The following SV2C variants were observed in gnomAD, a reference collection of about 807,000 sequenced individuals.
SV2C encodes the protein solute carrier family 22 member B3.
Under a neutral mutation model 79.7 loss-of-function variants are expected in SV2C, and 49 were observed. The ratio of observed to expected loss-of-function variants is 0.61; its 90% CI spans 0.49 to 0.78. The LOEUF is 0.78. SV2C is among the 30% of genes least tolerant of loss of function. SV2C has a pLI of 0.00. For synonymous variants in SV2C, 334 were observed against 333.2 expected, an observed-to-expected ratio of 1.00 and a Z score of -0.03; for missense variants, 833 against 912.9, an observed-to-expected ratio of 0.91 and a Z score of 1.13.
chr5:75,915,800 T>G, the SV2C span, among the ~76,000 whole-genome samples: 1 of 152,164 alleles, frequency 6.6e-6, no homozygotes, highest in African/African-American at 2.4e-5. Context: ...GCCAGGAATG[T>G]GGTCAAGATG....
chr5:76,278,170 T>C (rs1267065305), intron 4 of SV2C, among the ~76,000 whole-genome samples: 2 of 150,654 alleles, frequency 1.3e-5, no homozygotes, highest in African/African-American at 4.9e-5. Context: ...CATGTACACA[T>C]TGTGTGTGTG....
the SV2C span, among the ~76,000 whole-genome samples, chr5:75,899,696 A>C: frequency 3.3e-5 from 5 of 152,150 alleles, no homozygotes; most frequent in East Asian, 3.9e-4. Flanking sequence ...ATTGAATGGG[A>C]GTCTAAGTCT....
At chr5:75,897,382 A>G in the SV2C span, among the ~76,000 whole-genome samples, 1 of 151,578 alleles carries the variant, frequency 6.6e-6, no homozygotes, top group Non-Finnish European at 1.5e-5. Context: ...AGTTGTAGAT[A>G]TGCGGCGTTA....
the SV2C span, among the ~76,000 whole-genome samples, chr5:75,895,939 A>G: frequency 3.9e-5 from 6 of 152,168 alleles, no homozygotes; most frequent in East Asian, 9.6e-4. Flanking sequence ...TCTTATAAAG[A>G]TAGAACTGTT....
chr5:76,082,596 TTCC>T (rs769060722), upstream of SV2C, among the ~76,000 whole-genome samples: 5 of 149,722 alleles, frequency 3.3e-5, no homozygotes, highest in South Asian at 8.7e-4. Flanking sequence ...TCTTTCTTTC[TTCC>T]TCCTCCTCCT....
intron 4 of SV2C, among the ~76,000 whole-genome samples, chr5:76,280,235 G>A (rs2112487583): frequency 6.6e-6 from 1 of 151,918 alleles, no homozygotes; most frequent in African/African-American, 2.4e-5. Flanking sequence ...GAGAGAGAGA[G>A]ACACCACCAG....
intron 8 of SV2C, 93 bp from the exon 9 acceptor site, chr5:76,295,685 G>A (rs1022532378): frequency 2.0e-5 from 25 of 1,262,608 alleles, no homozygotes; most frequent in African/African-American, 4.6e-5. Flanking sequence ...GCCATTCTCC[G>A]GGAACTATTA....
intron 3 of SV2C, among the ~76,000 whole-genome samples, chr5:76,199,611 T>C (rs1744374573): frequency 6.6e-6 from 1 of 152,246 alleles, no homozygotes; most frequent in Admixed American, 6.5e-5. Flanking sequence ...TGTCGTCTTG[T>C]TCAACATTGC....
chr5:76,096,571 T>G (rs889326745), intron 1 of SV2C, among the ~76,000 whole-genome samples: 3 of 152,302 alleles, frequency 2.0e-5, no homozygotes, highest in Middle Eastern at 6.8e-3. Context: ...AGTTCATGTT[T>G]TCTGCGTGGA....
chr5:76,297,482 C>G (rs1747815482), intron 9 of SV2C, among the ~76,000 whole-genome samples: 1 of 152,152 alleles, frequency 6.6e-6, no homozygotes, highest in African/African-American at 2.4e-5. Flanking sequence ...CATGTGTACT[C>G]TCTGAATTAT....
the SV2C span, among the ~76,000 whole-genome samples, chr5:76,066,402 AAC>A: frequency 2.9e-5 from 4 of 140,268 alleles, no homozygotes; most frequent in African/African-American, 1.1e-4. Flanking sequence ...GAACAATGAG[AAC>A]ACTTGGACAC....
chr5:76,094,893 T>C (rs1159790316), intron 1 of SV2C, among the ~76,000 whole-genome samples: 1 of 152,146 alleles, frequency 6.6e-6, no homozygotes, highest in Non-Finnish European at 1.5e-5. Context: ...TAGTGTGGCT[T>C]GTCTTTTTAT....
the SV2C span, among the ~76,000 whole-genome samples, chr5:75,939,481 C>T: frequency 6.6e-6 from 1 of 152,080 alleles, no homozygotes; most frequent in Non-Finnish European, 1.5e-5. Flanking sequence ...TCCCAGAGGC[C>T]CCACTTCCAA....
chr5:76,330,610 A>G lies in SV2C; in HGVS notation c.*5063A>G, dbSNP rs1210724879. The G allele has an allele frequency of 6.7e-6, 1 of 148,998 alleles. No homozygotes were observed. The highest frequency in any genetic ancestry group is 1.5e-5 in the Non-Finnish European group (1 of 67,476). The allele number at this position is 148,998 out of a possible 1,614,324, so 9.2% of individuals were successfully genotyped here. On this transcript the variant is annotated 3_prime_UTR_variant, in exon 13 of 13. Transcript: ENST00000502798. ...TTTTTCCACATTTAAAACAAATAAT[A>G]GCCTTCAGCAGGCAGTGCAGGAACT...
At chr5:76,073,941 G>C in the SV2C span, among the ~76,000 whole-genome samples, 3 of 152,156 alleles carry the variant, frequency 2.0e-5, no homozygotes, top group Non-Finnish European at 2.9e-5. Context: ...AGAGAAACTT[G>C]ATGAGTCTGT....
chr5:75,960,886 T>C, the SV2C span, among the ~76,000 whole-genome samples: 1 of 152,002 alleles, frequency 6.6e-6, no homozygotes, highest in Non-Finnish European at 1.5e-5. Context: ...ATATAATACT[T>C]CCTTGTGCTC....
At chr5:76,100,253 G>A (rs974970304) in intron 1 of SV2C, among the ~76,000 whole-genome samples, 2 of 152,114 alleles carry the variant, frequency 1.3e-5, no homozygotes, top group African/African-American at 2.4e-5. Flanking sequence ...TGAAATAAAT[G>A]CAACTTCACA....
At chr5:76,318,995 C>T (rs1748728989) in intron 12 of SV2C, among the ~76,000 whole-genome samples, 1 of 152,178 alleles carries the variant, frequency 6.6e-6, no homozygotes, top group Non-Finnish European at 1.5e-5. Context: ...AATACAGTTT[C>T]CTTTAAGTAA....
At chr5:75,943,985 T>C in the SV2C span, among the ~76,000 whole-genome samples, 1 of 152,204 alleles carries the variant, frequency 6.6e-6, no homozygotes, top group Non-Finnish European at 1.5e-5. Flanking sequence ...CATGAATTAT[T>C]GCAAAACAAA....
Sources: gnomAD v4.1 joint callset for allele counts (sites outside exome capture counted in the v4.1 genomes callset) on GRCh38, gnomAD v4.1.1 for gene constraint, MANE v1.5 for transcripts, NCBI Gene and HGNC (gene_info 2026-07-23, HGNC 2026-07-21) for gene names.